The following PXN variants were observed in gnomAD, a reference collection of about 807,000 sequenced individuals.
PXN encodes testicular tissue protein Li 134.
In PXN, 61 loss-of-function variants were observed where a neutral mutation model predicts 103.6. The observed-to-expected ratio is 0.59, with a 90% confidence interval of 0.48 to 0.73. The LOEUF (loss-of-function observed/expected upper bound fraction) is 0.73, where lower values mean the gene tolerates loss of function less well. Among genes scored for constraint, PXN ranks in the 30% least tolerant of loss-of-function variants. The pLI is 0.00. For missense variants in PXN, 1,274 were observed against 1,460.3 expected (o/e 0.87, Z 2.08); for synonymous variants, 562 against 607.8 (o/e 0.92, Z 1.11).
rs375743989 is a variant in PXN at position 120,219,661 on chromosome 12, G to A, written c.1262C>T (p.Pro421Leu). 30 of 1,584,958 alleles carry A rather than the reference G, an allele frequency of 1.9e-5. No individual in the cohort carries two copies. In the African/African-American group the frequency reaches 3.7e-4, roughly 20 times the overall value. Residue 421 changes from proline to leucine, a missense_variant, in exon 7 of 15, where the codon CCA (proline) becomes CTA (leucine). By Grantham distance (98) the Pro-to-Leu change is moderately conservative. Around this residue, in one of 2 missense-constraint regions of PXN, gnomAD observed 1,178 missense variants for 1,309.0 expected, o/e 0.90. Transcript: ENST00000637617. The surrounding 1 kb of genome is among the most constrained non-coding windows in gnomAD (Gnocchi z 6.5). ...LQEPGEPQGP[P>L]ASPSCPEEAL... is the part of the protein sequence containing the mutation. ...CTCCTCTGGGCACGAAGGGCTGGCT[G>A]GTGGCCCCTGGGGCTCCCCAGGCTC...
At chr12:120,260,134 G>A (rs1410126164) in intron 1 of PXN, among the ~76,000 whole-genome samples, 1 of 152,168 alleles carries the variant, frequency 6.6e-6, no homozygotes, top group African/African-American at 2.4e-5. Context: ...AGGTGACCAG[G>A]GAGGGAGGAT....
At chr12:120,243,340 A>G (rs1890486924) in intron 1 of PXN, among the ~76,000 whole-genome samples, 1 of 152,312 alleles carries the variant, frequency 6.6e-6, no homozygotes, top group East Asian at 1.9e-4. Flanking sequence ...CAGAATGACC[A>G]TTTAAGTAAA....
chr12:120,214,754 C>A lies in PXN; in HGVS notation c.2748+71G>T. 6.3e-7 allele frequency: 1 copy of A among 1,580,466 alleles called. No homozygotes were observed. Among genetic ancestry groups the A allele is most frequent in the Non-Finnish European group, 8.6e-7 (1 of 1,157,854 alleles). ...CTCTCTGAGCCTCCCACGGCACCCC[C>A]TGCATCCTCAGAGGGCTGCGGTGAA... is the stretch of plus-strand genomic sequence containing the variant. On this transcript the variant is annotated intron_variant, in intron 12 of 14. Coordinates refer to ENST00000637617, the MANE Select transcript of PXN (RefSeq NM_001385981.1). The surrounding 1 kb of genome is among the most constrained non-coding windows in gnomAD (Gnocchi z 5.0).
At position 120,265,514 on chromosome 12, in the gene PXN, C is replaced by T. The variant is rs1265311530; in HGVS notation, c.13+103G>A. 2 of 1,319,704 alleles carry T rather than the reference C, an allele frequency of 1.5e-6. No homozygotes were observed. The highest frequency in any genetic ancestry group is 3.1e-5 in the South Asian group (2 of 64,376). The allele number at this position is 1,319,704 out of a possible 1,614,324, so 81.7% of individuals were successfully genotyped here. Reference sequence around the variant, plus strand: ...CAGGGACAGGAGCTGAGGCCGGGGCCGCCGAGGGTGGGATCCCGCGGCCCC... The same window carrying T: ...CAGGGACAGGAGCTGAGGCCGGGGCTGCCGAGGGTGGGATCCCGCGGCCCC... On this transcript the variant is annotated intron_variant, in intron 1 of 14. Coordinates refer to ENST00000637617, the MANE Select transcript of PXN (RefSeq NM_001385981.1). The surrounding 1 kb of genome is among the most constrained non-coding windows in gnomAD (Gnocchi z 5.7).
chr12:120,212,093 T>C lies in PXN; in HGVS notation c.*221A>G. 1.3e-6 allele frequency: 1 copy of C among 768,244 alleles called. No homozygotes were observed. The highest frequency in any genetic ancestry group is 1.8e-5 in the Admixed American group (1 of 56,992). 47.6% of individuals were successfully genotyped at this position (768,244 alleles called of 1,614,324 possible). A position where few individuals can be genotyped will look rare whatever the true frequency, so the allele number is the denominator to read the frequency against. On this transcript the variant is annotated 3_prime_UTR_variant, in exon 15 of 15. Transcript: ENST00000637617. This position sits in a 1 kb window ranked among gnomAD's most constrained non-coding sequence, Gnocchi z 7.2. The stretch of plus-strand genomic sequence containing the variant: ...TGGGGAGGATGGAGAGTGGGCAGCC[T>C]AGGGAGAGCTACAGGAGGGAGGAGG...
At position 120,265,645 on chromosome 12, in the gene PXN, G is replaced by A; in HGVS notation, c.-16C>T. On this transcript the variant is annotated 5_prime_UTR_variant, in exon 1 of 15. Transcript: ENST00000637617. This position sits in a 1 kb window ranked among gnomAD's most constrained non-coding sequence, Gnocchi z 5.7. ...GGTCGTCCATGGCCGGACCACGGGC[G>A]CCGGCTCAGGGTCGCGCTAGCTGCC... is the stretch of plus-strand genomic sequence containing the variant. 1 of 1,472,810 alleles carries A rather than the reference G, an allele frequency of 6.8e-7. No homozygotes were observed. The highest frequency in any genetic ancestry group is 1.3e-5 in the South Asian group (1 of 77,792). The allele number at this position is 1,472,810 out of a possible 1,614,324, so 91.2% of individuals were successfully genotyped here.
Position 120,214,760 on chromosome 12 carries a change from C to G in PXN, c.2748+65G>C. 3 of 1,589,394 alleles carry G rather than the reference C, an allele frequency of 1.9e-6. No homozygotes were observed. The highest frequency in any genetic ancestry group is 1.7e-6 in the Non-Finnish European group (2 of 1,163,692). On this transcript the variant is annotated intron_variant, in intron 12 of 14. Coordinates refer to ENST00000637617, the MANE Select transcript of PXN (RefSeq NM_001385981.1). The surrounding 1 kb of genome is among the most constrained non-coding windows in gnomAD (Gnocchi z 5.0). ...GAGCCTCCCACGGCACCCCCTGCAT[C>G]CTCAGAGGGCTGCGGTGAAGCTGGA...
chr12:120,232,800 T>G (rs1014116446), intron 1 of PXN, among the ~76,000 whole-genome samples: 1 of 152,066 alleles, frequency 6.6e-6, no homozygotes, highest in Non-Finnish European at 1.5e-5. Flanking sequence ...GAGCTGCAGT[T>G]TTTTTGCGAT....
intron 1 of PXN, among the ~76,000 whole-genome samples, chr12:120,244,894 A>C (rs1325535454): frequency 6.6e-6 from 1 of 152,104 alleles, no homozygotes; most frequent in Non-Finnish European, 1.5e-5. Flanking sequence ...AATAGTCCAC[A>C]AGACTTTGTG....
At chr12:120,240,190 A>G (rs1889903186) in intron 1 of PXN, among the ~76,000 whole-genome samples, 1 of 152,130 alleles carries the variant, frequency 6.6e-6, no homozygotes. Context: ...CAAATAAGAT[A>G]ACAATCATAA....
In PXN at chr12:120,215,875, CA is replaced by C; in HGVS notation, c.2302-215del. On this transcript the variant is annotated intron_variant, in intron 9 of 14. Coordinates refer to ENST00000637617, the MANE Select transcript of PXN (RefSeq NM_001385981.1). The surrounding 1 kb of genome is among the most constrained non-coding windows in gnomAD (Gnocchi z 4.9). ...AAGAAGGACAGGGAGGGGAGTCGAC[CA>C]AAGGCAGAGGAAATGGCAAGGGGAG... The C allele has an allele frequency of 3.0e-6, 4 of 1,345,052 alleles. No homozygotes were observed. Among genetic ancestry groups the C allele is most frequent in the Non-Finnish European group, 3.9e-6 (4 of 1,032,730 alleles). The allele number at this position is 1,345,052 out of a possible 1,614,324, so 83.3% of individuals were successfully genotyped here.
At chr12:120,242,891 A>G (rs1329485211) in intron 1 of PXN, among the ~76,000 whole-genome samples, 1 of 151,750 alleles carries the variant, frequency 6.6e-6, no homozygotes, top group African/African-American at 2.4e-5. Flanking sequence ...TAAAAAAAAA[A>G]AAAAAAGCTC....
rs775156300 is a variant in PXN at position 120,215,248 on chromosome 12, C to A, written c.2429G>T (p.Ser810Ile). The change falls in exon 11 of 15, where the codon AGC becomes ATC. Residue 810 changes from serine (S) to isoleucine (I), a missense_variant. Coordinates refer to ENST00000637617, the MANE Select transcript of PXN (RefSeq NM_001385981.1). This position sits in a 1 kb window ranked among gnomAD's most constrained non-coding sequence, Gnocchi z 4.9. ...GGFMAQGKTG[S>I]SSPPGGPPKP... Reference sequence around the variant, plus strand: ...CGGGGGCCCCCCAGGGGGTGAGCTGCTCCCTGTCTTCCCCTGGGCCATGAA... The same window carrying A: ...CGGGGGCCCCCCAGGGGGTGAGCTGATCCCTGTCTTCCCCTGGGCCATGAA... The A allele has an allele frequency of 4.4e-6, 7 of 1,589,056 alleles. No homozygotes were observed. Among genetic ancestry groups the A allele is most frequent in the Non-Finnish European group, 5.1e-6 (6 of 1,168,744 alleles).
chr12:120,214,694 C>T lies in PXN; in HGVS notation c.2748+131G>A. ...AGGTGTGGCTGTGAATCCGGCCCCA[C>T]TGTTCCCTAGCCCTGTGAGCCTCGG... On this transcript the variant is annotated intron_variant, in intron 12 of 14. Coordinates refer to ENST00000637617, the MANE Select transcript of PXN (RefSeq NM_001385981.1). This position sits in a 1 kb window ranked among gnomAD's most constrained non-coding sequence, Gnocchi z 5.0. 1 of 1,241,946 alleles carries T rather than the reference C, an allele frequency of 8.1e-7. No homozygotes were observed. Among genetic ancestry groups the T allele is most frequent in the Admixed American group, 2.1e-5 (1 of 47,408 alleles). 76.9% of individuals were successfully genotyped at this position (1,241,946 alleles called of 1,614,324 possible).
In PXN at chr12:120,224,777, G is replaced by C. The variant is rs528834055; in HGVS notation, c.14-400C>G. The C allele has an allele frequency of 4.2e-6, 2 of 474,980 alleles. No individual in the cohort carries two copies. Among genetic ancestry groups the C allele is most frequent in the Admixed American group, 4.6e-5 (2 of 43,052 alleles). 29.4% of individuals were successfully genotyped at this position (474,980 alleles called of 1,614,324 possible). A position where few individuals can be genotyped will look rare whatever the true frequency, so the allele number is the denominator to read the frequency against. On this transcript the variant is annotated intron_variant, in intron 1 of 14. Coordinates refer to ENST00000637617, the MANE Select transcript of PXN (RefSeq NM_001385981.1). The surrounding 1 kb of genome is among the most constrained non-coding windows in gnomAD (Gnocchi z 5.0). ...GGCGGGAGGGGCCCCACGTCACAGGGAGGGGCCCTGGCTATGCCAGGCCCT... is the reference window on the plus strand; with the variant it reads ...GGCGGGAGGGGCCCCACGTCACAGGCAGGGGCCCTGGCTATGCCAGGCCCT...
chr12:120,212,233 AC>A lies in PXN; in HGVS notation c.*80del. The A allele has an allele frequency of 6.5e-7, 1 of 1,538,976 alleles. No homozygotes were observed. The highest frequency in any genetic ancestry group is 8.7e-7 in the Non-Finnish European group (1 of 1,142,882). The stretch of plus-strand genomic sequence containing the variant: ...CAGTTTCAGTCGGGTTTACCCCTTC[AC>A]CCCCGGGTGAAGTCTCTAGGTCACA... On this transcript the variant is annotated 3_prime_UTR_variant, in exon 15 of 15. Transcript: ENST00000637617. The surrounding 1 kb of genome is among the most constrained non-coding windows in gnomAD (Gnocchi z 7.2).
Position 120,221,687 on chromosome 12 carries a change from C to A in PXN, c.767G>T (p.Arg256Leu). ...QRVTSTQQQT[R>L]ISASSATREL... ...CCTGGTGGCAGAGGAGGCCGAGATG[C>A]GTGTCTGCTGTTGGGTGGAGGTGAC... Residue 256 changes from arginine to leucine, a missense_variant, in exon 6 of 15, where the codon CGC becomes CTC. Arg to Leu is a moderately radical substitution (Grantham distance 102, BLOSUM62 -2). Coordinates refer to ENST00000637617, the MANE Select transcript of PXN (RefSeq NM_001385981.1). The surrounding 1 kb of genome is among the most constrained non-coding windows in gnomAD (Gnocchi z 6.6). 6.4e-7 allele frequency: 1 copy of A among 1,567,760 alleles called. No homozygotes were observed. Among genetic ancestry groups the A allele is most frequent in the Non-Finnish European group, 8.6e-7 (1 of 1,156,618 alleles).
rs1470903280 is a variant in PXN at position 120,216,683 on chromosome 12, G to T, written c.1993-102C>A. 1 of 1,589,586 alleles carries T rather than the reference G, an allele frequency of 6.3e-7. No individual in the cohort carries two copies. The highest frequency in any genetic ancestry group is 1.7e-5 in the Admixed American group (1 of 57,534). ...GGCTCCCCCTGGGCCTTCCCACTCTGCACCAAGAGTGGGGCCAGTCTTCCA... is the reference window on the plus strand; with the variant it reads ...GGCTCCCCCTGGGCCTTCCCACTCTTCACCAAGAGTGGGGCCAGTCTTCCA... On this transcript the variant is annotated intron_variant, in intron 8 of 14. Transcript: ENST00000637617. The surrounding 1 kb of genome is among the most constrained non-coding windows in gnomAD (Gnocchi z 5.1).
intron 1 of PXN, among the ~76,000 whole-genome samples, chr12:120,240,188 A>G (rs973425124): frequency 6.6e-6 from 1 of 152,108 alleles, no homozygotes; most frequent in South Asian, 2.1e-4. Flanking sequence ...AACAAATAAG[A>G]TAACAATCAT....
Sources: allele counts gnomAD v4.1 joint callset (sites outside exome capture counted in the v4.1 genomes callset), GRCh38; gene constraint gnomAD v4.1.1; regional missense constraint gnomAD v4.1.1; non-coding constraint Gnocchi (gnomAD v3.1); transcripts MANE v1.5; gene names NCBI Gene and HGNC (gene_info 2026-07-23, HGNC 2026-07-21).